SEC31B: variants seen among roughly 807,000 people sequenced by gnomAD.
SEC31B encodes the protein SEC31 homolog B, COPII component.
SEC31B carries 113 observed loss-of-function variants against 135.0 expected under a neutral mutation model. The observed-to-expected ratio is 0.84, with a 90% CI of 0.72 to 0.98. SEC31B has a LOEUF of 0.98. SEC31B is among the 50% of genes least tolerant of loss of function. SEC31B has a pLI of 0.00. For missense variants in SEC31B, 1,296 were observed against 1,421.1 expected (o/e 0.91, Z 1.42); for synonymous variants, 508 against 549.4 (o/e 0.92, Z 1.05).
At chr10:100,498,875 C>G in intron 13 of SEC31B, 71 bp from the exon 14 acceptor site, 3 of 1,180,646 alleles carry the variant, frequency 2.5e-6, no homozygotes, top group Non-Finnish European at 3.7e-6. Flanking sequence ...GCTTAGTAGC[C>G]CTGAGAGCTC....
chr10:100,490,104 G>A lies in SEC31B; in HGVS notation c.2869C>T (p.Pro957Ser). ...PGRMVSHTPA[P>S]PASFPVPYLP... ...TATGGCACAGGGAAGCTTGCAGGAG[G>A]GGCTGGGGTGTGGGAGACCATGCGG... The change falls in exon 21 of 26, where the codon CCT becomes TCT. Residue 957 changes from proline to serine, a missense_variant. Pro to Ser is a moderately conservative substitution (Grantham distance 74). Transcript: ENST00000370345. 6.3e-7 allele frequency: 1 copy of A among 1,585,908 alleles called. No homozygotes were observed. Among genetic ancestry groups the A allele is most frequent in the East Asian group, 2.2e-5 (1 of 44,736 alleles).
At chr10:100,489,582 A>G in intron 22 of SEC31B, 121 bp downstream of exon 22, 2 of 1,454,326 alleles carry the variant, frequency 1.4e-6, no homozygotes, top group African/African-American at 1.4e-5. Flanking sequence ...AGGAAAGAAG[A>G]GTAAGTGGGA....
At chr10:100,503,494 C>T (rs1399299356) in intron 10 of SEC31B, among the ~76,000 whole-genome samples, 2 of 150,018 alleles carry the variant, frequency 1.3e-5, no homozygotes, top group Non-Finnish European at 3.0e-5. Context: ...AGTATAATGG[C>T]GCAATCTCGG....
intron 19 of SEC31B, among the ~76,000 whole-genome samples, chr10:100,493,652 G>C (rs939698101): frequency 6.6e-6 from 1 of 152,208 alleles, no homozygotes; most frequent in Non-Finnish European, 1.5e-5. Flanking sequence ...AGAGAGTCTT[G>C]TGGTGATGGT....
chr10:100,508,562 A>G, intron 5 of SEC31B: 1 of 460,742 alleles, frequency 2.2e-6, no homozygotes, highest in South Asian at 1.6e-5. Flanking sequence ...AGAAGACCAG[A>G]CCCCCAACTG....
intron 2 of SEC31B, among the ~76,000 whole-genome samples, chr10:100,516,573 C>A (rs1031922575): frequency 6.8e-6 from 1 of 147,530 alleles, no homozygotes; most frequent in Admixed American, 7.0e-5. Context: ...GGCATGAACC[C>A]AGGAGGCGGA....
At position 100,488,865 on chromosome 10, in the gene SEC31B, G is replaced by T. The variant is rs758341498; in HGVS notation, c.3281C>A (p.Thr1094Asn). The change falls in exon 24 of 26, where the codon ACT becomes AAT. Residue 1094 changes from threonine to asparagine, a missense_variant. Coordinates refer to ENST00000370345, the MANE Select transcript of SEC31B (RefSeq NM_015490.4). ...ALLQRCSLSA[T>N]DLKTKRKLEE... is the part of the protein sequence containing the mutation. ...AAGAAGGTTCAGACTTACTAAGTCA[G>T]TTGCAGACAGGGAGCAGCGTTGGAG... 6.3e-7 allele frequency: 1 copy of T among 1,595,438 alleles called. No individual in the cohort carries two copies. The highest frequency in any genetic ancestry group is 1.1e-5 in the South Asian group (1 of 87,754).
chr10:100,500,050 G>T, intron 11 of SEC31B: 1 of 456,636 alleles, frequency 2.2e-6, no homozygotes, highest in Non-Finnish European at 4.4e-6. Flanking sequence ...TTTTAGAATT[G>T]GTACAAGAGA....
chr10:100,515,916 G>GT (rs1486773465), intron 3 of SEC31B, among the ~76,000 whole-genome samples, 180 bp downstream of exon 3: 3 of 151,688 alleles, frequency 2.0e-5, no homozygotes, highest in East Asian at 1.9e-4. Flanking sequence ...GACTGGAAAG[G>GT]GGGGGGGTGG....
At chr10:100,503,873 G>A (rs1189579896) in intron 10 of SEC31B, among the ~76,000 whole-genome samples, 1 of 151,714 alleles carries the variant, frequency 6.6e-6, no homozygotes. Flanking sequence ...GATAACTATT[G>A]CTTTACTCCC....
At position 100,509,026 on chromosome 10, in the gene SEC31B, G is replaced by C. The variant is rs369568994; in HGVS notation, c.476C>G (p.Thr159Ser). The C allele has an allele frequency of 1.2e-6, 2 of 1,614,038 alleles. No homozygotes were observed. Among genetic ancestry groups the C allele is most frequent in the African/African-American group, 2.7e-5 (2 of 75,030 alleles). The stretch of plus-strand genomic sequence containing the variant: ...GCTCACCTGTGACTTGGATCCCAGG[G>C]TCATTGGCACATTCAAGTTATTCAG... ...WDLNNLNVPM[T>S]LGSKSQQPPE... The change falls in exon 5 of 26, where the codon ACC becomes AGC. Residue 159 changes from threonine to serine, a missense_variant. Coordinates refer to ENST00000370345, the MANE Select transcript of SEC31B (RefSeq NM_015490.4).
intron 11 of SEC31B, chr10:100,500,056 A>C (rs778554633): frequency 1.2e-4 from 56 of 456,798 alleles, no homozygotes; most frequent in Non-Finnish European, 2.2e-4. Flanking sequence ...AATTGGTACA[A>C]GAGATATTGG....
chr10:100,499,239 CT>C lies in SEC31B; in HGVS notation c.1504del (p.Ser502ValfsTer5), dbSNP rs1219230748. 1.1e-5 allele frequency: 17 copies of C among 1,613,068 alleles called. No individual in the cohort carries two copies. The Admixed American group carries it at 2.8e-4, about 27-fold the overall frequency. On this transcript the variant is annotated frameshift_variant, in exon 13 of 26. Coordinates refer to ENST00000370345, the MANE Select transcript of SEC31B (RefSeq NM_015490.4). LOFTEE classifies it high-confidence loss of function. ...LQKKVATWLK[S>X]DVGLGESPQP... ...AGGACTCTCACCTAGCCCCACGTCACTCTTCAACCATGTGGCCACCTGCAGG... is the reference window on the plus strand; with the variant it reads ...AGGACTCTCACCTAGCCCCACGTCACCTTCAACCATGTGGCCACCTGCAGG...
At position 100,496,345 on chromosome 10, in the gene SEC31B, G is replaced by A. The variant is rs1851408163; in HGVS notation, c.2223C>T (p.Thr741=). 1 of 1,614,234 alleles carries A rather than the reference G, an allele frequency of 6.2e-7. No homozygotes were observed. Among genetic ancestry groups the A allele is most frequent in the Non-Finnish European group, 8.5e-7 (1 of 1,180,038 alleles). The change falls in exon 18 of 26, where the codon ACC becomes ACT. Residue 741 remains threonine, a synonymous_variant. Transcript: ENST00000370345. ...PHGVSPGPAT[T]YRVTQYANLL... is the part of the protein sequence containing the mutation. ...GGTTGGCATACTGAGTGACCCTGTAGGTTGTGGCAGGGCCTGGGCTCACCC... is the reference window on the plus strand; with the variant it reads ...GGTTGGCATACTGAGTGACCCTGTAAGTTGTGGCAGGGCCTGGGCTCACCC...
chr10:100,497,917 G>A (rs2133680729), intron 15 of SEC31B, 112 bp downstream of exon 15: 1 of 1,581,856 alleles, frequency 6.3e-7, no homozygotes, highest in East Asian at 2.2e-5. Flanking sequence ...GGTGGTTAGA[G>A]TAGAAAGAGA....
intron 19 of SEC31B, among the ~76,000 whole-genome samples, chr10:100,491,142 T>G (rs181290666): frequency 4.1e-4 from 62 of 152,246 alleles, no homozygotes; most frequent in African/African-American, 1.4e-3. Context: ...AAACTTTACA[T>G]TCATAAATCT....
At chr10:100,515,989 TC>T (rs1243581777) in intron 3 of SEC31B, 106 bp downstream of exon 3, 2 of 1,373,016 alleles carry the variant, frequency 1.5e-6, no homozygotes, top group Non-Finnish European at 2.0e-6. Flanking sequence ...TTGGCAAAGC[TC>T]CTTCTTCCCT....
At chr10:100,499,059 A>G in intron 13 of SEC31B, 101 bp downstream of exon 13, 1 of 936,180 alleles carries the variant, frequency 1.1e-6, no homozygotes, top group East Asian at 2.6e-5. Flanking sequence ...CAGACGCTAA[A>G]CACTTACAGA....
At chr10:100,508,188 G>A (rs767954677) in intron 5 of SEC31B, 137 bp from the exon 6 acceptor site, 30 of 1,026,974 alleles carry the variant, frequency 2.9e-5, no homozygotes, top group Middle Eastern at 6.2e-4. Context: ...ACAGTGTTGC[G>A]AAGCTGGGAG....
Sources: allele counts gnomAD v4.1 joint callset (sites outside exome capture counted in the v4.1 genomes callset), GRCh38; gene constraint gnomAD v4.1.1; transcripts MANE v1.5; gene names NCBI Gene and HGNC (gene_info 2026-07-23, HGNC 2026-07-21).